Variants in SYT16 observed in about 807,000 individuals in gnomAD.
The protein encoded by SYT16 is synaptotagmin 16.
In SYT16, 42 loss-of-function variants were observed where a neutral mutation model predicts 61.4. That is an observed-to-expected ratio of 0.68 (90% CI 0.53 to 0.89). The LOEUF is 0.89. Ranked by LOEUF, SYT16 falls within the 40% of genes least tolerant of loss-of-function variation. SYT16 has a pLI of 0.00. For synonymous variants in SYT16, 314 were observed against 302.3 expected, an observed-to-expected ratio of 1.04 and a Z score of -0.40; for missense variants, 804 against 807.3, an observed-to-expected ratio of 1.00 and a Z score of 0.05.
intron 1 of SYT16, among the ~76,000 whole-genome samples, chr14:61,953,537 A>T (rs2050753768): frequency 6.6e-6 from 1 of 152,094 alleles, no homozygotes. Flanking sequence ...GTGACCTCCT[A>T]AATTGCTGGT....
chr14:61,981,572 C>A (rs370239709), intron 2 of SYT16, among the ~76,000 whole-genome samples: 4 of 152,314 alleles, frequency 2.6e-5, no homozygotes, highest in African/African-American at 9.6e-5. Context: ...CTCTCGTCTC[C>A]ATTTTCTTGT....
Position 61,906,985 on chromosome 14 carries a change from G to A in SYT16, c.-324-63147G>A, listed in dbSNP as rs558389407. ...AAGTAAATTACTGTTTTAAATGCCT[G>A]TTATTCATACCCTGTGCTAGAAGTT... On this transcript the variant is annotated intron_variant, in intron 1 of 7. Coordinates refer to ENST00000683842, the MANE Select transcript of SYT16 (RefSeq NM_001367656.1). 2.3e-4 allele frequency among the ~76,000 whole-genome samples: 35 copies of A among 152,294 alleles called. 1 individual carries two copies. Among genetic ancestry groups the A allele is most frequent in the South Asian group, 2.3e-3 (11 of 4,820 alleles).
Position 62,102,358 on chromosome 14 carries a change from A to C in SYT16, c.*1651A>C, listed in dbSNP as rs1473746612. 3 of 152,260 alleles carry C rather than the reference A, an allele frequency of 2.0e-5. No homozygotes were observed. In the East Asian group the frequency reaches 5.8e-4, roughly 29 times the overall value. 9.4% of individuals were successfully genotyped at this position (152,260 alleles called of 1,614,324 possible). The stretch of plus-strand genomic sequence containing the variant: ...TGAATGAAATGATTTCATATGGAAG[A>C]ATGAGAATTTGCCAAATAAATTAAT... On this transcript the variant is annotated 3_prime_UTR_variant, in exon 8 of 8. Transcript: ENST00000683842.
intron 1 of SYT16, among the ~76,000 whole-genome samples, chr14:61,907,417 T>C (rs768970835): frequency 1.3e-5 from 2 of 152,226 alleles, no homozygotes; most frequent in Non-Finnish European, 2.9e-5. Flanking sequence ...CAGCTTAAAA[T>C]AACTTTTATT....
At chr14:61,893,748 C>A (rs567357130) in intron 1 of SYT16, among the ~76,000 whole-genome samples, 2 of 152,274 alleles carry the variant, frequency 1.3e-5, no homozygotes, top group African/African-American at 4.8e-5. Flanking sequence ...CAGTGGTCAC[C>A]ATTCCAACCT....
chr14:61,913,459 C>T (rs1018935112), intron 1 of SYT16, among the ~76,000 whole-genome samples: 16 of 151,862 alleles, frequency 1.1e-4, no homozygotes, highest in Non-Finnish European at 7.4e-5. Flanking sequence ...TAAAGATTGC[C>T]CTTAAGAAAA....
At chr14:61,891,045 G>C (rs977415138) in intron 1 of SYT16, among the ~76,000 whole-genome samples, 1 of 152,188 alleles carries the variant, frequency 6.6e-6, no homozygotes, top group African/African-American at 2.4e-5. Context: ...TCCAGTGTGT[G>C]TGAGTGCTCC....
chr14:62,051,802 C>T (rs1047455054), intron 3 of SYT16, among the ~76,000 whole-genome samples: 2 of 152,062 alleles, frequency 1.3e-5, no homozygotes, highest in African/African-American at 2.4e-5. Context: ...GAGGCCAAGG[C>T]AGGTGGATCA....
intron 1 of SYT16, among the ~76,000 whole-genome samples, chr14:61,821,334 C>A: frequency 6.6e-6 from 1 of 152,106 alleles, no homozygotes; most frequent in East Asian, 1.9e-4. Context: ...TTTAAATACT[C>A]CCCTATATTT....
At chr14:62,004,830 C>T (rs1566756352) in intron 3 of SYT16, among the ~76,000 whole-genome samples, 1 of 152,176 alleles carries the variant, frequency 6.6e-6, no homozygotes, top group Non-Finnish European at 1.5e-5. Flanking sequence ...AGTTCCATCT[C>T]CTCATGTGGT....
chr14:61,841,283 G>A (rs1395060589), intron 1 of SYT16, among the ~76,000 whole-genome samples: 2 of 152,182 alleles, frequency 1.3e-5, no homozygotes, highest in Non-Finnish European at 2.9e-5. Context: ...GACATTGTAT[G>A]GGGATACATT....
chr14:61,846,323 A>C (rs941031802), intron 1 of SYT16, among the ~76,000 whole-genome samples: 1 of 152,078 alleles, frequency 6.6e-6, no homozygotes, highest in Non-Finnish European at 1.5e-5. Flanking sequence ...TATTTGCTTT[A>C]TATATCTGGG....
chr14:61,936,351 T>C (rs532948266), intron 1 of SYT16, among the ~76,000 whole-genome samples: 18 of 152,222 alleles, frequency 1.2e-4, no homozygotes, highest in Non-Finnish European at 2.5e-4. Flanking sequence ...TATGGTTTAG[T>C]AGAAATGAAA....
chr14:61,887,510 C>A (rs1301111257), intron 1 of SYT16, among the ~76,000 whole-genome samples: 1 of 152,186 alleles, frequency 6.6e-6, no homozygotes, highest in Non-Finnish European at 1.5e-5. Flanking sequence ...ATGATATCTT[C>A]CAATAGAAGG....
chr14:62,025,804 G>A lies in SYT16; in HGVS notation c.523+29262G>A, dbSNP rs141950535. 7.5e-3 allele frequency among the ~76,000 whole-genome samples: 1,139 copies of A among 151,162 alleles called. 7 individuals carry two copies. The highest frequency in any genetic ancestry group is 0.02 in the Middle Eastern group (6 of 294). Reference sequence around the variant, plus strand: ...GCTGGTCTATTTTAGTTTTATTGTTGGTATATAGGAAGGCAGTTGACTTTT... The same window carrying A: ...GCTGGTCTATTTTAGTTTTATTGTTAGTATATAGGAAGGCAGTTGACTTTT... On this transcript the variant is annotated intron_variant, in intron 3 of 7. Transcript: ENST00000683842.
At chr14:62,018,295 CTTCTTTTTTTTTTTTTTT>C (rs1348517125) in intron 3 of SYT16, among the ~76,000 whole-genome samples, 14 of 50,470 alleles carry the variant, frequency 2.8e-4, no homozygotes, top group Non-Finnish European at 4.4e-4. Flanking sequence ...TCTTCTTCTT[CTTCTTTTTTTTTTTTTTT>C]TTTTTTTTTT....
At chr14:62,059,255 C>G (rs1362157717) in intron 3 of SYT16, among the ~76,000 whole-genome samples, 5 of 152,118 alleles carry the variant, frequency 3.3e-5, no homozygotes. Flanking sequence ...TAAAAACAGC[C>G]CTCAATTTAT....
chr14:62,067,101 T>C (rs559077465), intron 3 of SYT16, among the ~76,000 whole-genome samples: 1 of 147,168 alleles, frequency 6.8e-6, no homozygotes, highest in Non-Finnish European at 1.5e-5. Context: ...ACCGTGTGTG[T>C]GCATGTGTGT....
At chr14:61,888,125 C>CTTTT (rs756842240) in intron 1 of SYT16, among the ~76,000 whole-genome samples, 3 of 134,194 alleles carry the variant, frequency 2.2e-5, no homozygotes, top group Non-Finnish European at 4.8e-5. Context: ...CTTTTCTTTT[C>CTTTT]TTTTTTTTTT....
Sources: allele counts gnomAD v4.1 joint callset (sites outside exome capture counted in the v4.1 genomes callset), GRCh38; gene constraint gnomAD v4.1.1; transcripts MANE v1.5; gene names NCBI Gene and HGNC (gene_info 2026-07-23, HGNC 2026-07-21).